SNU13: variants seen among roughly 807,000 people sequenced by gnomAD.
SNU13 encodes NHP2-like protein 1.
A neutral mutation model predicts 12.4 loss-of-function variants in SNU13; 2 were observed. That is an observed-to-expected ratio of 0.16 (90% CI 0.07 to 0.51). SNU13 has a LOEUF of 0.51. Ranked by LOEUF, SNU13 falls within the 20% of genes least tolerant of loss-of-function variation. SNU13 has a pLI of 0.96. For missense variants in SNU13, 66 were observed against 157.8 expected (o/e 0.42, Z 3.12); for synonymous variants, 68 against 66.5 (o/e 1.02, Z -0.11).
chr22:41,686,815 T>TA (rs1346707203), intron 1 of SNU13, among the ~76,000 whole-genome samples: 3 of 142,014 alleles, frequency 2.1e-5, no homozygotes, highest in Non-Finnish European at 4.6e-5. Context: ...TTAGTAGAGA[T>TA]GGGGTTTCAC....
intron 1 of SNU13, among the ~76,000 whole-genome samples, chr22:41,681,847 C>G (rs775905803): frequency 6.6e-6 from 1 of 152,106 alleles, no homozygotes; most frequent in East Asian, 1.9e-4. Context: ...TGCACTCCAG[C>G]GTGGGCGACA....
chr22:41,686,547 G>A (rs1170662103), intron 1 of SNU13, among the ~76,000 whole-genome samples: 3 of 151,374 alleles, frequency 2.0e-5, no homozygotes, highest in Non-Finnish European at 4.4e-5. Flanking sequence ...TGATCCACCC[G>A]CCTCGGCCTC....
intron 1 of SNU13, chr22:41,682,535 T>A: frequency 6.7e-7 from 1 of 1,499,718 alleles, no homozygotes; most frequent in Non-Finnish European, 8.9e-7. Flanking sequence ...CAGGACGCCC[T>A]GTCTTCTACG....
upstream of SNU13, among the ~76,000 whole-genome samples, chr22:41,689,834 C>T (rs149964158): frequency 0.029 from 4,431 of 151,972 alleles, 121 homozygotes; most frequent in Admixed American, 0.062. Flanking sequence ...CAAAATTAGC[C>T]GGGCGTGGTG....
intron 1 of SNU13, 53 bp downstream of exon 1, chr22:41,688,741 A>G: frequency 6.3e-7 from 1 of 1,594,958 alleles, no homozygotes; most frequent in Non-Finnish European, 8.6e-7. Context: ...TAGGGAGTGA[A>G]CGCAACCCTG....
intron 1 of SNU13, among the ~76,000 whole-genome samples, 199 bp from the exon 2 acceptor site, chr22:41,680,563 CACAG>C (rs1409079438): frequency 2.6e-5 from 4 of 152,208 alleles, no homozygotes; most frequent in Non-Finnish European, 5.9e-5. Flanking sequence ...TTAGGAATTA[CACAG>C]TTCAGTAAAG....
chr22:41,683,091 G>C (rs993618751), intron 1 of SNU13, among the ~76,000 whole-genome samples: 3 of 152,106 alleles, frequency 2.0e-5, no homozygotes, highest in Non-Finnish European at 2.9e-5. Flanking sequence ...CCTCCTCCGG[G>C]GTTCAAGCGA....
intron 2 of SNU13, among the ~76,000 whole-genome samples, chr22:41,676,000 G>A (rs2068209925): frequency 6.6e-6 from 1 of 152,066 alleles, no homozygotes; most frequent in African/African-American, 2.4e-5. Context: ...AAAGTGCTGT[G>A]ATTACAGGCA....
At chr22:41,688,478 C>T (rs567007200) in intron 1 of SNU13, among the ~76,000 whole-genome samples, 1 of 152,290 alleles carries the variant, frequency 6.6e-6, no homozygotes, top group African/African-American at 2.4e-5. Flanking sequence ...ACTTTTTGCC[C>T]TCTCCCACGT....
chr22:41,689,144 C>G (rs1205115366), upstream of SNU13: 1 of 1,017,950 alleles, frequency 9.8e-7, no homozygotes, highest in African/African-American at 1.7e-5. Flanking sequence ...GGCGCATCAC[C>G]TGAGGACAGG....
upstream of SNU13, chr22:41,689,080 G>A: frequency 1.7e-6 from 2 of 1,169,332 alleles, no homozygotes; most frequent in Non-Finnish European, 2.1e-6. Context: ...GTAACCCACC[G>A]GCCGGCCGCA....
At chr22:41,682,641 GGA>G (rs1360573790) in intron 1 of SNU13, 1 of 1,184,960 alleles carries the variant, frequency 8.4e-7, no homozygotes, top group Non-Finnish European at 1.1e-6. Context: ...GGGGGTTGGG[GGA>G]GGTCAAGGGA....
chr22:41,676,772 T>C (rs1020330391), intron 2 of SNU13, among the ~76,000 whole-genome samples: 2 of 152,212 alleles, frequency 1.3e-5, no homozygotes, highest in African/African-American at 4.8e-5. Context: ...CCACTTTCAC[T>C]GCTTTTGCTT....
chr22:41,680,549 A>G (rs138977729), intron 1 of SNU13, among the ~76,000 whole-genome samples, 185 bp from the exon 2 acceptor site: 18 of 152,290 alleles, frequency 1.2e-4, no homozygotes, highest in Non-Finnish European at 1.9e-4. Context: ...AAGGAAATAC[A>G]CTATTAGGAA....
At chr22:41,682,151 T>C (rs2068269051) in intron 1 of SNU13, among the ~76,000 whole-genome samples, 1 of 151,410 alleles carries the variant, frequency 6.6e-6, no homozygotes, top group South Asian at 2.1e-4. Flanking sequence ...GGACATAGGG[T>C]GGACGGCAGT....
chr22:41,679,296 G>A (rs5758404), intron 2 of SNU13, among the ~76,000 whole-genome samples: 96,613 of 151,886 alleles, frequency 0.64, 33,875 homozygotes, highest in East Asian at 0.92. Context: ...TCTCACGCCT[G>A]TAATCCCAGC....
upstream of SNU13, chr22:41,689,143 C>G: frequency 9.8e-7 from 1 of 1,022,890 alleles, no homozygotes; most frequent in African/African-American, 1.7e-5. Context: ...GGGCGCATCA[C>G]CTGAGGACAG....
At position 41,675,121 on chromosome 22, in the gene SNU13, G is replaced by T. The variant is rs1189987408; in HGVS notation, c.199C>A (p.Leu67Met). ...AADAEPLEII[L>M]HLPLLCEDKN... ...TCTTCACACAGCAGCGGCAGGTGCA[G>T]AATGATCTCCAGTGGCTCGGCGTCT... Residue 67 changes from leucine (L) to methionine (M), a missense_variant, in exon 3 of 3, where the codon CTG becomes ATG. Transcript: ENST00000401959. The T allele has an allele frequency of 6.8e-6, 11 of 1,614,136 alleles. No homozygotes were observed. The highest frequency in any genetic ancestry group is 9.3e-6 in the Non-Finnish European group (11 of 1,180,060).
intron 2 of SNU13, among the ~76,000 whole-genome samples, chr22:41,675,720 C>T (rs2068206200): frequency 6.6e-6 from 1 of 150,892 alleles, no homozygotes; most frequent in Non-Finnish European, 1.5e-5. Flanking sequence ...CTGTGCCTGT[C>T]CTAATCTGAC....
Sources: allele counts gnomAD v4.1 joint callset (sites outside exome capture counted in the v4.1 genomes callset), GRCh38; gene constraint gnomAD v4.1.1; transcripts MANE v1.5; gene names NCBI Gene and HGNC (gene_info 2026-07-23, HGNC 2026-07-21).